The following NBAS variants were observed in gnomAD, a reference collection of about 807,000 sequenced individuals.
NBAS encodes NAG/BC035112 fusion.
NBAS carries 219 observed loss-of-function variants against 302.5 expected under a neutral mutation model. The observed-to-expected ratio is 0.72, with a 90% CI of 0.65 to 0.81. NBAS has a LOEUF of 0.81. NBAS is among the 30% of genes least tolerant of loss of function. The probability of loss-of-function intolerance (pLI) is 0.00; values close to 1 mark genes in which losing one functional copy is unlikely to be tolerated. For missense variants in NBAS, 2,932 were observed against 2,841.6 expected (o/e 1.03, Z -0.72); for synonymous variants, 1,118 against 1,021.6 (o/e 1.09, Z -1.80).
chr2:15,071,120 C>T, the NBAS span, among the ~76,000 whole-genome samples: 10 of 152,218 alleles, frequency 6.6e-5, no homozygotes, highest in Admixed American at 6.5e-4. Context: ...CACTCCTCCT[C>T]TGGAAGAAGG....
At chr2:14,952,019 C>G in the NBAS span, among the ~76,000 whole-genome samples, 9 of 152,208 alleles carry the variant, frequency 5.9e-5, no homozygotes, top group Non-Finnish European at 1.2e-4. Context: ...TATTTTCACT[C>G]TCTGGTACTC....
intron 32 of NBAS, among the ~76,000 whole-genome samples, chr2:15,356,768 G>C (rs1305025518): frequency 6.6e-6 from 1 of 152,172 alleles, no homozygotes; most frequent in Non-Finnish European, 1.5e-5. Context: ...TATAAAAAGG[G>C]CTTGAAAAAT....
chr2:15,303,620 A>G (rs190510030), intron 40 of NBAS, among the ~76,000 whole-genome samples: 30 of 152,268 alleles, frequency 2.0e-4, no homozygotes, highest in Admixed American at 1.8e-3. Context: ...GTGGCCAGAT[A>G]CAAAAGGTGG....
At chr2:15,548,264 A>G (rs1486303770) in intron 6 of NBAS, among the ~76,000 whole-genome samples, 1 of 152,240 alleles carries the variant, frequency 6.6e-6, no homozygotes, top group Admixed American at 6.5e-5. Flanking sequence ...CACGAAAAAA[A>G]AAAGTTATAT....
At chr2:15,440,818 G>C (rs1448606037) in intron 21 of NBAS, among the ~76,000 whole-genome samples, 2 of 152,006 alleles carry the variant, frequency 1.3e-5, no homozygotes, top group Admixed American at 6.6e-5. Flanking sequence ...TAAAGGAGCT[G>C]ATGGAGCTGA....
intron 35 of NBAS, among the ~76,000 whole-genome samples, chr2:15,334,807 T>C (rs927028931): frequency 2.6e-5 from 4 of 152,210 alleles, no homozygotes; most frequent in Admixed American, 6.5e-5. Context: ...AATGACTGTA[T>C]GGTTTAACAT....
chr2:15,285,633 C>A (rs748515548), intron 42 of NBAS, among the ~76,000 whole-genome samples: 7 of 152,122 alleles, frequency 4.6e-5, no homozygotes, highest in Admixed American at 2.6e-4. Flanking sequence ...GTATGGATAA[C>A]TTCCTGATTC....
At chr2:15,071,768 G>A in the NBAS span, among the ~76,000 whole-genome samples, 25 of 152,170 alleles carry the variant, frequency 1.6e-4, no homozygotes, top group African/African-American at 4.8e-4. Flanking sequence ...ATTTCTCCCG[G>A]GTGGTTAAGG....
At chr2:15,442,761 C>T (rs1678498502) in intron 21 of NBAS, among the ~76,000 whole-genome samples, 1 of 151,266 alleles carries the variant, frequency 6.6e-6, no homozygotes. Flanking sequence ...ACTAGCAAGA[C>T]TAATAAAGAA....
chr2:15,500,689 A>G (rs1231602771), intron 11 of NBAS, among the ~76,000 whole-genome samples: 7 of 151,946 alleles, frequency 4.6e-5, no homozygotes, highest in Admixed American at 4.6e-4. Flanking sequence ...TAATCCCAGC[A>G]CTTTGGGAGG....
chr2:15,467,190 A>G, intron 19 of NBAS, 139 bp downstream of exon 19: 1 of 679,102 alleles, frequency 1.5e-6, no homozygotes, highest in Non-Finnish European at 2.5e-6. Context: ...AGTATATAAG[A>G]GAACTTGCTT....
chr2:15,060,864 T>C, the NBAS span, among the ~76,000 whole-genome samples: 3 of 152,114 alleles, frequency 2.0e-5, no homozygotes, highest in Non-Finnish European at 4.4e-5. Context: ...GGCACAAGCC[T>C]CACTGCCCCG....
the NBAS span, among the ~76,000 whole-genome samples, chr2:14,961,613 T>C: frequency 6.6e-6 from 1 of 152,182 alleles, no homozygotes; most frequent in Non-Finnish European, 1.5e-5. Context: ...TAGCCTCATG[T>C]CTTCCTTTAT....
intron 25 of NBAS, among the ~76,000 whole-genome samples, chr2:15,413,555 A>G (rs556469646): frequency 7.9e-5 from 12 of 152,314 alleles, no homozygotes; most frequent in Admixed American, 3.3e-4. Context: ...ACTCCAAACA[A>G]AGGAAACAGT....
At chr2:15,062,426 G>A in the NBAS span, among the ~76,000 whole-genome samples, 2 of 152,286 alleles carry the variant, frequency 1.3e-5, no homozygotes, top group South Asian at 4.1e-4. Flanking sequence ...CCCCATGTCA[G>A]TATCTAACCC....
At chr2:15,021,024 G>A in the NBAS span, among the ~76,000 whole-genome samples, 4 of 152,116 alleles carry the variant, frequency 2.6e-5, no homozygotes, top group Non-Finnish European at 4.4e-5. Context: ...TTGAGGTCAG[G>A]AGTTCGAGAT....
At chr2:14,952,052 A>T in the NBAS span, among the ~76,000 whole-genome samples, 1 of 152,192 alleles carries the variant, frequency 6.6e-6, no homozygotes, top group Non-Finnish European at 1.5e-5. Flanking sequence ...TGGTAGAGCC[A>T]CTTCCTTCTG....
chr2:15,059,027 G>A, the NBAS span, among the ~76,000 whole-genome samples: 1 of 152,122 alleles, frequency 6.6e-6, no homozygotes, highest in East Asian at 1.9e-4. Context: ...ACTGGCCTTT[G>A]AACCTCCATG....
chr2:14,944,802 C>G, the NBAS span, among the ~76,000 whole-genome samples: 16 of 152,102 alleles, frequency 1.1e-4, no homozygotes, highest in Admixed American at 5.9e-4. Flanking sequence ...GTCCCTCCCC[C>G]CATTCTGCCC....
Sources: allele counts gnomAD v4.1 joint callset (sites outside exome capture counted in the v4.1 genomes callset), GRCh38; gene constraint gnomAD v4.1.1; transcripts MANE v1.5; gene names NCBI Gene and HGNC (gene_info 2026-07-23, HGNC 2026-07-21).